RAPGEF6: variants seen among roughly 807,000 people sequenced by gnomAD.
The protein encoded by RAPGEF6 is PDZ domain containing guanine nucleotide exchange factor (GEF) 2.
RAPGEF6 carries 56 observed loss-of-function variants against 171.4 expected under a neutral mutation model. The ratio of observed to expected loss-of-function variants is 0.33; its 90% confidence interval spans 0.26 to 0.41. The LOEUF (loss-of-function observed/expected upper bound fraction) is 0.41, where lower values mean the gene tolerates loss of function less well. RAPGEF6 is among the 10% of genes least tolerant of loss of function. The pLI is 1.00. For missense variants in RAPGEF6, 1,674 were observed against 1,921.4 expected (o/e 0.87, Z 2.41); for synonymous variants, 692 against 650.1 (o/e 1.06, Z -0.98).
intron 11 of RAPGEF6, among the ~76,000 whole-genome samples, 181 bp downstream of exon 11, chr5:131,504,445 G>C (rs147527527): frequency 1.3e-5 from 2 of 151,008 alleles, no homozygotes; most frequent in African/African-American, 2.4e-5. Context: ...CTGGGCAACA[G>C]AGTGAGACTC....
chr5:131,441,275 GAT>G (rs1752366880), intron 23 of RAPGEF6, among the ~76,000 whole-genome samples: 1 of 152,182 alleles, frequency 6.6e-6, no homozygotes, highest in South Asian at 2.1e-4. Context: ...TATGAAGACT[GAT>G]ATATAAAATT....
rs150114416 is a variant in RAPGEF6 at position 131,634,118 on chromosome 5, A to G, written c.69+844T>C. Among the ~76,000 whole-genome samples, 158 of 152,198 alleles carry G rather than the reference A, an allele frequency of 1.0e-3. 1 individual carries two copies. Among genetic ancestry groups the G allele is most frequent in the African/African-American group, 3.6e-3 (151 of 41,412 alleles). ...CTGAAAAACTCCAAAGTGAAGAATT[A>G]ACCAAAGCATTTCATTTCATTTACT... On this transcript the variant is annotated intron_variant, in intron 1 of 27. Transcript: ENST00000509018.
chr5:131,580,318 T>C (rs948930589), intron 4 of RAPGEF6, among the ~76,000 whole-genome samples: 4 of 152,070 alleles, frequency 2.6e-5, no homozygotes, highest in South Asian at 2.1e-4. Context: ...CACCAGCCGG[T>C]CACTCCGAGT....
intron 1 of RAPGEF6, among the ~76,000 whole-genome samples, chr5:131,618,874 G>A (rs1251276192): frequency 1.3e-5 from 2 of 152,078 alleles, no homozygotes; most frequent in Admixed American, 1.3e-4. Flanking sequence ...AACTGACAAT[G>A]TGTGTCAGTG....
At chr5:131,633,042 T>A (rs1280283195) in intron 1 of RAPGEF6, among the ~76,000 whole-genome samples, 2 of 152,244 alleles carry the variant, frequency 1.3e-5, no homozygotes, top group Non-Finnish European at 2.9e-5. Context: ...GGCTCAAAAA[T>A]AGGCAATTTC....
chr5:131,517,780 TACACAC>T (rs36091456), intron 7 of RAPGEF6, among the ~76,000 whole-genome samples: 25,500 of 140,104 alleles, frequency 0.18, 2,381 homozygotes, highest in Middle Eastern at 0.24. Flanking sequence ...TTCGCGCATG[TACACAC>T]ACACACACAC....
intron 4 of RAPGEF6, among the ~76,000 whole-genome samples, chr5:131,591,701 T>C (rs1763601998): frequency 6.6e-6 from 1 of 152,174 alleles, no homozygotes; most frequent in Non-Finnish European, 1.5e-5. Context: ...AACTAAAATT[T>C]GTCCAAAGTC....
At chr5:131,606,304 C>T (rs1260216762) in intron 1 of RAPGEF6, among the ~76,000 whole-genome samples, 1 of 145,542 alleles carries the variant, frequency 6.9e-6, no homozygotes, top group Non-Finnish European at 1.5e-5. Flanking sequence ...GAAGAAGTTG[C>T]AGTGAGCCGA....
At chr5:131,485,209 G>A (rs994808855) in intron 15 of RAPGEF6, among the ~76,000 whole-genome samples, 1 of 152,202 alleles carries the variant, frequency 6.6e-6, no homozygotes, top group Non-Finnish European at 1.5e-5. Flanking sequence ...TTACAGGCAT[G>A]AGCCACCATG....
At chr5:131,550,238 A>G (rs1181193000) in intron 5 of RAPGEF6, among the ~76,000 whole-genome samples, 3 of 152,158 alleles carry the variant, frequency 2.0e-5, no homozygotes, top group African/African-American at 7.2e-5. Context: ...CTGCAGGGTC[A>G]AACAAATCAC....
In RAPGEF6 at chr5:131,464,242, T is replaced by A. The variant is rs535202877; in HGVS notation, c.2279A>T (p.Gln760Leu). ...DQVIRVFKVDQQSCYIIISKD... is the reference protein window; with the variant it reads ...DQVIRVFKVDLQSCYIIISKD... Reference sequence around the variant, plus strand: ...ACTGATGATAATGTAGCAACTTTGCTGATCCACTTTGAAAACTCTTATAAC... The same window carrying A: ...ACTGATGATAATGTAGCAACTTTGCAGATCCACTTTGAAAACTCTTATAAC... Residue 760 changes from glutamine (Q) to leucine (L), a missense_variant, in exon 18 of 28, where the codon CAG (glutamine) becomes CTG (leucine). Physicochemically the swap from Gln to Leu is moderately radical, Grantham distance 113. Around this residue, in one of 3 missense-constraint regions of RAPGEF6, gnomAD observed 1,116 missense variants for 1,321.5 expected, o/e 0.84. Coordinates refer to ENST00000509018, the MANE Select transcript of RAPGEF6 (RefSeq NM_016340.6). 2 of 1,613,184 alleles carry A rather than the reference T, an allele frequency of 1.2e-6. No individual in the cohort carries two copies. The highest frequency in any genetic ancestry group is 2.2e-5 in the South Asian group (2 of 91,044).
chr5:131,609,206 G>A (rs987573239), intron 1 of RAPGEF6, among the ~76,000 whole-genome samples: 2 of 152,174 alleles, frequency 1.3e-5, no homozygotes, highest in African/African-American at 2.4e-5. Context: ...CCAGAATTGT[G>A]AGCCAAATAA....
rs372085035 is a variant in RAPGEF6 at position 131,492,558 on chromosome 5, A to G, written c.1731+24T>C. 4.7e-4 allele frequency: 758 copies of G among 1,608,306 alleles called. 2 individuals are homozygous for G. Among genetic ancestry groups the G allele is most frequent in the South Asian group, 1.2e-3 (106 of 90,968 alleles). On this transcript the variant is annotated intron_variant, in intron 14 of 27. Coordinates refer to ENST00000509018, the MANE Select transcript of RAPGEF6 (RefSeq NM_016340.6). ...ATAATACTTTTAAGAAGGCTTGAATATAAGTGGTTGGTTATTTCCTTACCT... is the reference window on the plus strand; with the variant it reads ...ATAATACTTTTAAGAAGGCTTGAATGTAAGTGGTTGGTTATTTCCTTACCT...
chr5:131,619,350 A>T (rs1208513858), intron 1 of RAPGEF6, among the ~76,000 whole-genome samples: 1 of 152,130 alleles, frequency 6.6e-6, no homozygotes, highest in Admixed American at 6.5e-5. Context: ...TAGCATTAGG[A>T]TAAATAATAC....
intron 21 of RAPGEF6, among the ~76,000 whole-genome samples, chr5:131,452,533 G>A (rs901931026): frequency 6.6e-6 from 1 of 150,718 alleles, no homozygotes; most frequent in Non-Finnish European, 1.5e-5. Flanking sequence ...AAAATATTCA[G>A]TAAAAATAAA....
chr5:131,431,615 A>G (rs1377480753), intron 25 of RAPGEF6, among the ~76,000 whole-genome samples: 6 of 151,640 alleles, frequency 4.0e-5, no homozygotes, highest in African/African-American at 1.5e-4. Context: ...AAAATGTTAG[A>G]TATTTTTTTT....
intron 7 of RAPGEF6, among the ~76,000 whole-genome samples, chr5:131,516,304 A>C (rs1758081248): frequency 1.3e-5 from 2 of 151,934 alleles, no homozygotes; most frequent in Admixed American, 6.6e-5. Flanking sequence ...GGCTGGTCTC[A>C]AACTCCTGAC....
At chr5:131,446,944 T>C (rs1178914446) in intron 21 of RAPGEF6, 6 of 445,218 alleles carry the variant, frequency 1.3e-5, no homozygotes, top group Non-Finnish European at 2.0e-5. Context: ...GAGTGGCATA[T>C]TCCATCAGGC....
At chr5:131,457,983 G>C (rs1034344931) in intron 19 of RAPGEF6, among the ~76,000 whole-genome samples, 1 of 152,046 alleles carries the variant, frequency 6.6e-6, no homozygotes, top group East Asian at 1.9e-4. Context: ...AAGGTACTAG[G>C]TACAACACTG....
Sources: allele counts gnomAD v4.1 joint callset (sites outside exome capture counted in the v4.1 genomes callset), GRCh38; gene constraint gnomAD v4.1.1; regional missense constraint gnomAD v4.1.1; transcripts MANE v1.5; gene names NCBI Gene and HGNC (gene_info 2026-07-23, HGNC 2026-07-21).